The following CELF2 variants were observed in gnomAD, a reference collection of about 807,000 sequenced individuals.
CELF2 encodes the protein CUG triplet repeat RNA-binding protein 2.
CELF2 carries 8 observed loss-of-function variants against 62.6 expected under a neutral mutation model. That is an observed-to-expected ratio of 0.13 (90% CI 0.07 to 0.23). The LOEUF is 0.23. Among genes scored for constraint, CELF2 ranks in the 10% least tolerant of loss-of-function variants. The pLI, the probability that CELF2 is intolerant of heterozygous loss-of-function variation, is 1.00. For synonymous variants in CELF2, 258 were observed against 250.0 expected (o/e 1.03, Z -0.30); for missense variants, 333 against 671.0 (o/e 0.50, Z 5.56).
chr10:11,074,180 C>T (rs1169753925), intron 1 of CELF2, among the ~76,000 whole-genome samples: 1 of 152,154 alleles, frequency 6.6e-6, no homozygotes, highest in African/African-American at 2.4e-5. Flanking sequence ...AACACATTAC[C>T]AAATTCAAAC....
At chr10:10,480,541 G>T in the CELF2 span, among the ~76,000 whole-genome samples, 1 of 152,046 alleles carries the variant, frequency 6.6e-6, no homozygotes, top group Non-Finnish European at 1.5e-5. Context: ...AATCACAGGG[G>T]GTACACATGA....
upstream of CELF2, among the ~76,000 whole-genome samples, chr10:11,015,809 G>C (rs1246926537): frequency 2.0e-5 from 3 of 152,138 alleles, no homozygotes; most frequent in Non-Finnish European, 2.9e-5. The surrounding 1 kb of genome is among the most constrained non-coding windows in gnomAD (Gnocchi z 4.8). Context: ...TGCTGAGAAG[G>C]CTTAAGTCAG....
At chr10:11,195,748 G>C (rs908870501) in intron 2 of CELF2, among the ~76,000 whole-genome samples, 1 of 152,214 alleles carries the variant, frequency 6.6e-6, no homozygotes, top group African/African-American at 2.4e-5. Context: ...CTGCCTGGTG[G>C]TGTTTTATAG....
the CELF2 span, among the ~76,000 whole-genome samples, chr10:10,775,858 CT>C: frequency 6.6e-6 from 1 of 152,192 alleles, no homozygotes; most frequent in Non-Finnish European, 1.5e-5. Flanking sequence ...TGGAAATGTT[CT>C]TTTCCTAACA....
the CELF2 span, among the ~76,000 whole-genome samples, chr10:10,743,855 G>T: frequency 6.6e-6 from 1 of 152,192 alleles, no homozygotes; most frequent in Non-Finnish European, 1.5e-5. Flanking sequence ...TCCAAAAATA[G>T]ACTTCTAGAA....
chr10:10,920,136 GT>G, intron 2 of CELF2: 1 of 487,344 alleles, frequency 2.1e-6, no homozygotes, highest in Non-Finnish European at 3.2e-6. Flanking sequence ...ACATCACCAT[GT>G]AAATGCCAAA....
At chr10:10,961,780 A>G (rs932433317) in intron 2 of CELF2, among the ~76,000 whole-genome samples, 5 of 152,100 alleles carry the variant, frequency 3.3e-5, no homozygotes, top group African/African-American at 1.2e-4. Flanking sequence ...AAGAAAAGAA[A>G]GTTTGAAATC....
chr10:10,484,793 C>A, the CELF2 span, among the ~76,000 whole-genome samples: 3 of 152,028 alleles, frequency 2.0e-5, no homozygotes, highest in Non-Finnish European at 4.4e-5. Flanking sequence ...ACTATCAAAT[C>A]ACACAATGAC....
At chr10:11,078,904 G>C (rs1267899395) in intron 1 of CELF2, among the ~76,000 whole-genome samples, 3 of 152,158 alleles carry the variant, frequency 2.0e-5, no homozygotes, top group Admixed American at 6.5e-5. Context: ...AGCATAACGT[G>C]ATGTGATTAA....
intron 2 of CELF2, among the ~76,000 whole-genome samples, chr10:10,979,669 T>C: frequency 1.0e-5 from 1 of 99,990 alleles, no homozygotes; most frequent in South Asian, 3.0e-4. Context: ...AGACCTTGTC[T>C]CTCAAAAAAA....
intron 1 of CELF2, among the ~76,000 whole-genome samples, chr10:11,144,250 A>G (rs550902401): frequency 6.6e-6 from 1 of 152,330 alleles, no homozygotes; most frequent in African/African-American, 2.4e-5. Context: ...AGAAGGAAAA[A>G]AAACCGTCCC....
the CELF2 span, among the ~76,000 whole-genome samples, chr10:10,749,564 A>T: frequency 2.0e-5 from 3 of 152,248 alleles, no homozygotes; most frequent in Non-Finnish European, 4.4e-5. Flanking sequence ...TGAATAGTAT[A>T]GAGTCATAGA....
rs3054364 is a variant in CELF2 at position 11,103,487 on chromosome 10, A to ATTTTTTTTTTTT, written c.75-61990_75-61979dup. On this transcript the variant is annotated intron_variant, in intron 1 of 12. Coordinates refer to ENST00000633077, the MANE Select transcript of CELF2 (RefSeq NM_001326342.2). ...CGGATAAACCTGTGTTTGTAGCCTGATTTTTTTTTTTTTTTTTTTTACTGT... is the reference window on the plus strand; with the variant it reads ...CGGATAAACCTGTGTTTGTAGCCTGATTTTTTTTTTTTTTTTTTTTTTTTTTTTTTTTACTGT... 9.7e-4 allele frequency among the ~76,000 whole-genome samples: 116 copies of ATTTTTTTTTTTT among 119,728 alleles called. 4 individuals carry two copies. Among genetic ancestry groups the ATTTTTTTTTTTT allele is most frequent in the Non-Finnish European group, 1.4e-3 (85 of 60,118 alleles). The allele number at this position is 119,728 out of a possible 152,430, so 78.5% of individuals were successfully genotyped here.
At chr10:11,236,120 C>G (rs187680129) in intron 3 of CELF2, among the ~76,000 whole-genome samples, 1 of 152,308 alleles carries the variant, frequency 6.6e-6, no homozygotes, top group Admixed American at 6.5e-5. Context: ...CAAAGCAACT[C>G]AGACAACTCA....
the CELF2 span, among the ~76,000 whole-genome samples, chr10:10,609,414 A>C: frequency 7.6e-6 from 1 of 132,110 alleles, no homozygotes. Context: ...AAAATGGTTA[A>C]TAAATGTTTC....
At chr10:10,717,831 T>A in the CELF2 span, among the ~76,000 whole-genome samples, 1 of 152,202 alleles carries the variant, frequency 6.6e-6, no homozygotes, top group Admixed American at 6.5e-5. Context: ...GAGGGTGCTA[T>A]CCTCTAGGCT....
chr10:10,824,769 C>A (rs2057249503), intron 1 of CELF2, among the ~76,000 whole-genome samples: 2 of 152,024 alleles, frequency 1.3e-5, no homozygotes, highest in African/African-American at 4.8e-5. Flanking sequence ...ATTCAAGCTG[C>A]CAAAAAACAT....
At chr10:10,703,572 A>G in the CELF2 span, among the ~76,000 whole-genome samples, 1 of 152,250 alleles carries the variant, frequency 6.6e-6, no homozygotes, top group East Asian at 1.9e-4. Flanking sequence ...TCAATCATCA[A>G]TTAAAGCAGA....
At chr10:11,070,100 A>G (rs1451858080) in intron 1 of CELF2, among the ~76,000 whole-genome samples, 1 of 151,508 alleles carries the variant, frequency 6.6e-6, no homozygotes, top group Non-Finnish European at 1.5e-5. Context: ...TATTCTCTAA[A>G]TCATTCTTTA....
Sources: gnomAD v4.1 joint callset for allele counts (sites outside exome capture counted in the v4.1 genomes callset) on GRCh38, gnomAD v4.1.1 for gene constraint, Gnocchi (gnomAD v3.1) non-coding constraint, MANE v1.5 for transcripts, NCBI Gene and HGNC (gene_info 2026-07-23, HGNC 2026-07-21) for gene names.